RNF216: variants seen among roughly 807,000 people sequenced by gnomAD.
RNF216 encodes ring finger protein 216, also known as E3 ubiquitin-protein ligase RNF216.
A neutral mutation model predicts 110.8 loss-of-function variants in RNF216; 72 were observed. The observed-to-expected ratio is 0.65, with a 90% CI of 0.54 to 0.79. The LOEUF is 0.79. RNF216 is among the 30% of genes least tolerant of loss of function. The pLI is 0.00. For synonymous variants in RNF216, 495 were observed against 407.5 expected (o/e 1.21, Z -2.59); for missense variants, 1,342 against 1,141.2 (o/e 1.18, Z -2.54).
chr7:5,678,528 C>T (rs1022301332), intron 13 of RNF216, among the ~76,000 whole-genome samples: 2 of 152,194 alleles, frequency 1.3e-5, no homozygotes, highest in Non-Finnish European at 2.9e-5. Flanking sequence ...CCTGAGTAGT[C>T]CACCATGGCT....
rs852441 is a variant in RNF216, at chr7:5,621,055, A to G, written c.*1805T>C. 21,842 of 152,278 alleles carry G rather than the reference A, an allele frequency of 0.14. 2,361 individuals carry two copies. Among genetic ancestry groups the G allele is most frequent in the African/African-American group, 0.3 (12,470 of 41,488 alleles). 9.4% of individuals were successfully genotyped at this position (152,278 alleles called of 1,614,324 possible). ...AACAGGTATGGGCGCCAGCAAGGAC[A>G]TAGCAGCAGGCTGCCCCCAAGCCCG... On this transcript the variant is annotated 3_prime_UTR_variant, in exon 17 of 17. Transcript: ENST00000389902.
chr7:5,681,397 A>T (rs1754723842), intron 13 of RNF216, among the ~76,000 whole-genome samples: 1 of 152,188 alleles, frequency 6.6e-6, no homozygotes, highest in South Asian at 2.1e-4. Context: ...CACATTTTAT[A>T]GCTACACAGA....
At chr7:5,755,764 T>A (rs990156644) in intron 2 of RNF216, among the ~76,000 whole-genome samples, 3 of 152,212 alleles carry the variant, frequency 2.0e-5, no homozygotes, top group African/African-American at 7.2e-5. Flanking sequence ...AACATTCTTG[T>A]GCAAGTCTTT....
chr7:5,715,708 T>A (rs892253343), intron 10 of RNF216, among the ~76,000 whole-genome samples: 4 of 151,500 alleles, frequency 2.6e-5, no homozygotes, highest in Non-Finnish European at 5.9e-5. Context: ...TTATTAACTA[T>A]AGCAACGGAT....
chr7:5,695,847 A>C (rs1791593024), intron 13 of RNF216, among the ~76,000 whole-genome samples: 1 of 152,230 alleles, frequency 6.6e-6, no homozygotes, highest in African/African-American at 2.4e-5. Context: ...CCCATTGTGG[A>C]AATGTACTTT....
intron 13 of RNF216, among the ~76,000 whole-genome samples, chr7:5,707,947 G>A (rs1008029061): frequency 6.6e-6 from 1 of 152,070 alleles, no homozygotes; most frequent in African/African-American, 2.4e-5. Context: ...GGCTGGTCTC[G>A]AACTCCAGAA....
intron 13 of RNF216, among the ~76,000 whole-genome samples, chr7:5,701,100 GCA>G (rs1196235340): frequency 6.6e-6 from 1 of 152,128 alleles, no homozygotes; most frequent in African/African-American, 2.4e-5. Context: ...GAGAGTGGGA[GCA>G]CACACACGAC....
At position 5,735,912 on chromosome 7, in the gene RNF216, T is replaced by C. The variant is rs186651436; in HGVS notation, c.1121+3364A>G. 2.6e-5 allele frequency among the ~76,000 whole-genome samples: 4 copies of C among 152,186 alleles called. No homozygotes were observed. The East Asian group carries it at 5.8e-4, about 22-fold the overall frequency. ...GAGTTCAAGACCAGCCTGGCCAACA[T>C]AGGGAAACTGTCTCTACTAAAAACA... On this transcript the variant is annotated intron_variant, in intron 5 of 16. Transcript: ENST00000389902.
chr7:5,710,569 A>G (rs1051539550), intron 13 of RNF216, among the ~76,000 whole-genome samples: 4 of 152,118 alleles, frequency 2.6e-5, no homozygotes, highest in African/African-American at 7.2e-5. Flanking sequence ...TGGACTACTC[A>G]ATAGGCAAGT....
intron 3 of RNF216, among the ~76,000 whole-genome samples, chr7:5,742,423 A>C (rs561103722): frequency 6.6e-6 from 1 of 152,272 alleles, no homozygotes; most frequent in Admixed American, 6.5e-5. Flanking sequence ...GAATGCTAAC[A>C]CATCAGAAGA....
chr7:5,751,324 CA>C (rs1382533322), intron 3 of RNF216, among the ~76,000 whole-genome samples: 3 of 151,960 alleles, frequency 2.0e-5, no homozygotes, highest in Non-Finnish European at 4.4e-5. Flanking sequence ...GAAAGCCTAA[CA>C]AAAAGGGAGG....
intron 11 of RNF216, 37 bp downstream of exon 11, chr7:5,715,016 T>C (rs532415896): frequency 1.3e-6 from 2 of 1,564,050 alleles, no homozygotes; most frequent in African/African-American, 1.3e-5. Context: ...TCCAGGAATG[T>C]GTCCTATATA....
At chr7:5,678,518 C>A (rs899038707) in intron 13 of RNF216, among the ~76,000 whole-genome samples, 2 of 152,192 alleles carry the variant, frequency 1.3e-5, no homozygotes, top group Non-Finnish European at 2.9e-5. Flanking sequence ...TCTGGGCCCG[C>A]CTGAGTAGTC....
intron 11 of RNF216, 33 bp from the exon 12 acceptor site, chr7:5,712,896 A>G (rs1400854882): frequency 6.3e-7 from 1 of 1,585,086 alleles, no homozygotes; most frequent in Non-Finnish European, 8.6e-7. Flanking sequence ...AGAAAAAAAA[A>G]TCAATACCAT....
At chr7:5,682,599 G>A (rs1355071549) in intron 13 of RNF216, among the ~76,000 whole-genome samples, 1 of 151,956 alleles carries the variant, frequency 6.6e-6, no homozygotes, top group Admixed American at 6.6e-5. Context: ...TAGAGACAGG[G>A]TTTCAACATT....
At chr7:5,632,592 C>T (rs923134787) in intron 15 of RNF216, among the ~76,000 whole-genome samples, 1 of 152,194 alleles carries the variant, frequency 6.6e-6, no homozygotes, top group Non-Finnish European at 1.5e-5. Context: ...GCCTGGCCAA[C>T]ATGGCGAAAC....
intron 13 of RNF216, among the ~76,000 whole-genome samples, chr7:5,691,684 G>A (rs1791349846): frequency 6.6e-6 from 1 of 152,194 alleles, no homozygotes; most frequent in African/African-American, 2.4e-5. Context: ...CTTCTATCTG[G>A]CATGGACACA....
chr7:5,635,408 T>C (rs2128562295), intron 15 of RNF216, among the ~76,000 whole-genome samples: 1 of 152,252 alleles, frequency 6.6e-6, no homozygotes. Context: ...TTTACTCTTT[T>C]GTAGAATAAA....
intron 13 of RNF216, among the ~76,000 whole-genome samples, chr7:5,699,263 T>C (rs1479047238): frequency 2.6e-5 from 4 of 152,180 alleles, no homozygotes; most frequent in African/African-American, 9.7e-5. Flanking sequence ...AGTTTGTATC[T>C]GCAAAAGATA....
Sources: gnomAD v4.1 joint callset for allele counts (sites outside exome capture counted in the v4.1 genomes callset) on GRCh38, gnomAD v4.1.1 for gene constraint, MANE v1.5 for transcripts, NCBI Gene and HGNC (gene_info 2026-07-23, HGNC 2026-07-21) for gene names.